Variants in NFATC3 observed in about 807,000 individuals in gnomAD.
The protein encoded by NFATC3 is nuclear factor of activated T-cells, cytoplasmic 3.
Under a neutral mutation model 98.6 loss-of-function variants are expected in NFATC3, and 46 were observed. The ratio of observed to expected loss-of-function variants is 0.47; its 90% CI spans 0.37 to 0.60. The LOEUF (loss-of-function observed/expected upper bound fraction) is 0.60. NFATC3 is among the 20% of genes least tolerant of loss of function. The pLI is 0.00. For synonymous variants in NFATC3, 512 were observed against 472.2 expected, an observed-to-expected ratio of 1.08 and a Z score of -1.09; for missense variants, 1,256 against 1,295.5, an observed-to-expected ratio of 0.97 and a Z score of 0.47.
rs1332382073 is a variant in NFATC3, at chr16:68,191,724, C to T, written c.3055C>T (p.Arg1019Ter). 1 of 1,614,054 alleles carries T rather than the reference C, an allele frequency of 6.2e-7. No homozygotes were observed. The highest frequency in any genetic ancestry group is 8.5e-7 in the Non-Finnish European group (1 of 1,180,022). The change falls in exon 9 of 10, where the codon CGA (arginine) becomes TGA (stop). Residue 1019 changes from arginine to a stop codon, truncating the protein, a stop_gained. Coordinates refer to ENST00000346183, the MANE Select transcript of NFATC3 (RefSeq NM_173165.3). LOFTEE classifies it high-confidence loss of function. ...TVSIKPEPEDREPNFATIGLQ... is the reference protein window; with the variant it reads ...TVSIKPEPED ...GAGCATTAAACCTGAACCAGAAGATCGAGAGCCTAACTTTGCAACCATTGG... is the reference window on the plus strand; with the variant it reads ...GAGCATTAAACCTGAACCAGAAGATTGAGAGCCTAACTTTGCAACCATTGG...
chr16:68,105,510 A>G (rs1200980791), intron 1 of NFATC3, among the ~76,000 whole-genome samples: 2 of 151,804 alleles, frequency 1.3e-5, no homozygotes, highest in Non-Finnish European at 2.9e-5. Flanking sequence ...GTGCTCTTGG[A>G]TTCAGTTTGC....
chr16:68,093,491 A>G (rs956329489), intron 1 of NFATC3, among the ~76,000 whole-genome samples: 10 of 152,192 alleles, frequency 6.6e-5, no homozygotes, highest in Admixed American at 3.9e-4. Flanking sequence ...TGAAAATCCT[A>G]CATTTCCTTC....
At chr16:68,109,555 T>C (rs549521145) in intron 1 of NFATC3, among the ~76,000 whole-genome samples, 1 of 152,264 alleles carries the variant, frequency 6.6e-6, no homozygotes, top group East Asian at 1.9e-4. Context: ...TATATCTCTT[T>C]CAGGTTTTGG....
At chr16:68,199,247 A>G (rs141991634) in intron 9 of NFATC3, among the ~76,000 whole-genome samples, 34,053 of 148,774 alleles carry the variant, frequency 0.23, 4,358 homozygotes, top group African/African-American at 0.34. Context: ...TTTTTGAGAC[A>G]GAGTCTCGCT....
rs922569129 is a variant in NFATC3 at position 68,116,643 on chromosome 16, G to A, written c.104-5344G>A. ...CCACAAATTTTGTGTGCAGGTCTCT[G>A]CAGCACTTTAAGACATCATTCTGAC... On this transcript the variant is annotated intron_variant, in intron 1 of 9. Coordinates refer to ENST00000346183, the MANE Select transcript of NFATC3 (RefSeq NM_173165.3). 1.2e-4 allele frequency among the ~76,000 whole-genome samples: 19 copies of A among 152,184 alleles called. 1 individual carries two copies. The highest frequency in any genetic ancestry group is 1.2e-3 in the Admixed American group (19 of 15,276).
At position 68,194,270 on chromosome 16, in the gene NFATC3, C is replaced by T. The variant is rs60944355; in HGVS notation, c.3106+2495C>T. Among the ~76,000 whole-genome samples the T allele has an allele frequency of 1.6e-3, 243 of 152,248 alleles. 2 individuals carry two copies. In the East Asian group the frequency reaches 0.026, roughly 16 times the overall value. On this transcript the variant is annotated intron_variant, in intron 9 of 9. Coordinates refer to ENST00000346183, the MANE Select transcript of NFATC3 (RefSeq NM_173165.3). ...CAGAACTCTCTACTAAACGGAATCC[C>T]TCAAGGTTTTTCTAATTCCTGGAGA...
chr16:68,194,686 C>T lies in NFATC3; in HGVS notation c.3106+2911C>T, dbSNP rs182426086. On this transcript the variant is annotated intron_variant, in intron 9 of 9. Coordinates refer to ENST00000346183, the MANE Select transcript of NFATC3 (RefSeq NM_173165.3). The stretch of plus-strand genomic sequence containing the variant: ...TTGAGACTTTAAGAGCACTTCAGCT[C>T]ATTTTTTTTAACCAATGAAGATATT... Among the ~76,000 whole-genome samples the T allele has an allele frequency of 2.6e-4, 40 of 152,200 alleles. 1 individual carries two copies. The highest frequency in any genetic ancestry group is 7.5e-4 in the African/African-American group (31 of 41,514).
At chr16:68,126,679 TTAGGTAC>T (rs1386885683) in intron 3 of NFATC3, 69 bp downstream of exon 3, 2 of 1,521,388 alleles carry the variant, frequency 1.3e-6, no homozygotes, top group African/African-American at 1.4e-5. Context: ...GTCTATTCAG[TTAGGTAC>T]TAGAGAGTGC....
intron 3 of NFATC3, among the ~76,000 whole-genome samples, chr16:68,155,196 C>T (rs946576692): frequency 1.3e-5 from 2 of 152,078 alleles, no homozygotes; most frequent in Admixed American, 6.5e-5. Flanking sequence ...GACAAGTAGG[C>T]GGGAATAAAA....
chr16:68,138,780 T>C (rs939670468), intron 3 of NFATC3: 2 of 1,268,710 alleles, frequency 1.6e-6, no homozygotes, highest in African/African-American at 3.1e-5. Context: ...AACTCTATAC[T>C]TAAATCTTTG....
chr16:68,114,157 A>C (rs936959743), intron 1 of NFATC3, among the ~76,000 whole-genome samples: 2 of 152,174 alleles, frequency 1.3e-5, no homozygotes. Context: ...GCAGGGTAGC[A>C]CAGTTACTCA....
rs1038326116 is a variant in NFATC3 at position 68,122,312 on chromosome 16, G to A, written c.429G>A (p.Arg143=). The A allele has an allele frequency of 1.2e-6, 2 of 1,614,076 alleles. No individual in the cohort carries two copies. The highest frequency in any genetic ancestry group is 1.1e-5 in the South Asian group (1 of 91,080). The stretch of plus-strand genomic sequence containing the variant: ...ACCCAGAACGGGAATTTTTGGAAAG[G>A]CCTTCTAGAGATCATCTCTATCTTC... The part of the protein sequence containing the change: ...INDPEREFLE[R]PSRDHLYLPL... The change falls in exon 2 of 10, where the codon AGG becomes AGA. Residue 143 remains arginine (R), a synonymous_variant. Coordinates refer to ENST00000346183, the MANE Select transcript of NFATC3 (RefSeq NM_173165.3).
intron 9 of NFATC3, among the ~76,000 whole-genome samples, chr16:68,206,415 G>A (rs540564223): frequency 6.6e-6 from 1 of 152,062 alleles, no homozygotes; most frequent in African/African-American, 2.4e-5. Context: ...CGTCCTCCCA[G>A]CCCCTGGTAA....
rs372814043 is a variant in NFATC3 at position 68,193,086 on chromosome 16, CT to C, written c.3106+1321del. Among the ~76,000 whole-genome samples, 776 of 149,368 alleles carry C rather than the reference CT, an allele frequency of 5.2e-3. 7 individuals are homozygous for C. Among genetic ancestry groups the C allele is most frequent in the African/African-American group, 0.017 (696 of 40,664 alleles). The stretch of plus-strand genomic sequence containing the variant: ...TCTGTATTGAACGTGTACAAACAGA[CT>C]TTTTTTTTTCTTGTCTTATTCCCTA... On this transcript the variant is annotated intron_variant, in intron 9 of 9. Coordinates refer to ENST00000346183, the MANE Select transcript of NFATC3 (RefSeq NM_173165.3).
In NFATC3 at chr16:68,118,931, G is replaced by C. The variant is rs143730405; in HGVS notation, c.104-3056G>C. ...TGCCCAGGCTGGAGTGCAATGGCGC[G>C]ATCTTGGCTCACTGCAAGCTCTGCC... On this transcript the variant is annotated intron_variant, in intron 1 of 9. Coordinates refer to ENST00000346183, the MANE Select transcript of NFATC3 (RefSeq NM_173165.3). Among the ~76,000 whole-genome samples, 1,053 of 152,186 alleles carry C rather than the reference G, an allele frequency of 6.9e-3. 17 individuals carry two copies. Among genetic ancestry groups the C allele is most frequent in the African/African-American group, 0.024 (982 of 41,518 alleles).
intron 5 of NFATC3, among the ~76,000 whole-genome samples, chr16:68,170,178 G>C (rs1054592516): frequency 6.6e-6 from 1 of 151,916 alleles, no homozygotes; most frequent in East Asian, 1.9e-4. Context: ...AGATCACGAC[G>C]TCAAGAGATC....
chr16:68,167,855 G>A lies in NFATC3; in HGVS notation c.1774+840G>A, dbSNP rs564333835. 4.3e-4 allele frequency among the ~76,000 whole-genome samples: 15 copies of A among 34,960 alleles called. No homozygotes were observed. In the Admixed American group the frequency reaches 5.1e-3, roughly 12 times the overall value. 22.9% of individuals were successfully genotyped at this position (34,960 alleles called of 152,430 possible). ...TTTTTTTTTTTTTTTTTTTTGAGAC[G>A]GAGATTTACTCTTCTTGCCCAGGTT... On this transcript the variant is annotated intron_variant, in intron 5 of 9. Coordinates refer to ENST00000346183, the MANE Select transcript of NFATC3 (RefSeq NM_173165.3).
intron 9 of NFATC3, among the ~76,000 whole-genome samples, chr16:68,201,412 TTTTG>T (rs1462527049): frequency 1.3e-5 from 2 of 151,388 alleles, no homozygotes; most frequent in Middle Eastern, 6.9e-3. Flanking sequence ...TTGGGGGGTT[TTTTG>T]TTTGTTTTTG....
intron 9 of NFATC3, among the ~76,000 whole-genome samples, chr16:68,202,773 T>C (rs1260444070): frequency 6.6e-6 from 1 of 151,646 alleles, no homozygotes; most frequent in Non-Finnish European, 1.5e-5. Context: ...GATCGTGCCA[T>C]TGCACTCCAG....
Sources: gnomAD v4.1 joint callset for allele counts (sites outside exome capture counted in the v4.1 genomes callset) on GRCh38, gnomAD v4.1.1 for gene constraint, MANE v1.5 for transcripts, NCBI Gene and HGNC (gene_info 2026-07-23, HGNC 2026-07-21) for gene names.